KLHL1: variants seen among roughly 807,000 people sequenced by gnomAD.
KLHL1 encodes the protein kelch like family member 1.
A neutral mutation model predicts 77.7 loss-of-function variants in KLHL1; 47 were observed. The observed-to-expected ratio is 0.60, with a 90% CI of 0.48 to 0.77. KLHL1 has a LOEUF of 0.77. Among genes scored for constraint, KLHL1 ranks in the 30% least tolerant of loss-of-function variants. KLHL1 has a pLI of 0.00. For synonymous variants in KLHL1, 360 were observed against 325.2 expected (o/e 1.11, Z -1.15); for missense variants, 925 against 910.8 (o/e 1.02, Z -0.20).
chr13:69,938,073 T>C (rs990838045), intron 4 of KLHL1, among the ~76,000 whole-genome samples: 2 of 152,044 alleles, frequency 1.3e-5, no homozygotes, highest in African/African-American at 4.8e-5. Context: ...AAGCACAGAT[T>C]GGGTAGATTA....
chr13:69,728,445 C>G (rs1026401214), intron 8 of KLHL1, among the ~76,000 whole-genome samples: 1 of 151,814 alleles, frequency 6.6e-6, no homozygotes, highest in Non-Finnish European at 1.5e-5. Flanking sequence ...GAGACAGAGT[C>G]TCTGTCTCCC....
At chr13:70,089,741 T>C (rs1887629358) in intron 1 of KLHL1, among the ~76,000 whole-genome samples, 1 of 152,132 alleles carries the variant, frequency 6.6e-6, no homozygotes, top group Admixed American at 6.6e-5. Flanking sequence ...CAATATTAGG[T>C]ATATTTCACA....
intron 1 of KLHL1, among the ~76,000 whole-genome samples, chr13:70,065,321 A>G (rs563110913): frequency 5.3e-4 from 81 of 152,316 alleles, no homozygotes; most frequent in African/African-American, 1.8e-3. Context: ...GAACTTGCCT[A>G]TAACAGATGA....
At chr13:69,960,981 A>T (rs1360598346) in intron 3 of KLHL1, among the ~76,000 whole-genome samples, 3 of 152,072 alleles carry the variant, frequency 2.0e-5, no homozygotes, top group Non-Finnish European at 4.4e-5. Flanking sequence ...GACAATTAGA[A>T]TCTCTTTTCT....
At chr13:69,923,780 T>C (rs1171908835) in intron 4 of KLHL1, among the ~76,000 whole-genome samples, 2 of 152,144 alleles carry the variant, frequency 1.3e-5, no homozygotes, top group African/African-American at 4.8e-5. Context: ...ACATTTGCCA[T>C]GGAAGAGGCA....
chr13:70,056,264 C>G (rs918715912), intron 1 of KLHL1, among the ~76,000 whole-genome samples: 1 of 151,818 alleles, frequency 6.6e-6, no homozygotes, highest in Non-Finnish European at 1.5e-5. Flanking sequence ...TAAATGATGA[C>G]GGGTTCAATT....
intron 5 of KLHL1, among the ~76,000 whole-genome samples, chr13:69,873,461 T>C (rs559909243): frequency 6.6e-6 from 1 of 152,308 alleles, no homozygotes; most frequent in Admixed American, 6.5e-5. Context: ...AAGATGGATA[T>C]TATGTTTTGT....
intron 3 of KLHL1, among the ~76,000 whole-genome samples, chr13:69,950,526 C>A (rs58269684): frequency 2.0e-5 from 3 of 151,308 alleles, no homozygotes; most frequent in African/African-American, 7.3e-5. Flanking sequence ...TAACCTAAAA[C>A]AGCATGTCAT....
intron 6 of KLHL1, among the ~76,000 whole-genome samples, chr13:69,830,459 C>G (rs1878719023): frequency 6.7e-6 from 1 of 150,026 alleles, no homozygotes; most frequent in African/African-American, 2.5e-5. Flanking sequence ...ACAATTACTA[C>G]TAGACCTAAG....
At chr13:70,065,675 G>A (rs1886991360) in intron 1 of KLHL1, among the ~76,000 whole-genome samples, 1 of 152,174 alleles carries the variant, frequency 6.6e-6, no homozygotes, top group South Asian at 2.1e-4. Flanking sequence ...TTTAGTATAT[G>A]TGCTTGGAGA....
chr13:69,889,351 T>G (rs917129855), intron 4 of KLHL1, among the ~76,000 whole-genome samples: 1 of 152,028 alleles, frequency 6.6e-6, no homozygotes, highest in African/African-American at 2.4e-5. Context: ...TCACAACTTG[T>G]TATTTTACCG....
At chr13:69,864,371 A>G (rs2138159763) in intron 5 of KLHL1, among the ~76,000 whole-genome samples, 1 of 152,088 alleles carries the variant, frequency 6.6e-6, no homozygotes, top group East Asian at 1.9e-4. Flanking sequence ...TATCACATTG[A>G]TATATATGTA....
intron 7 of KLHL1, among the ~76,000 whole-genome samples, chr13:69,780,714 A>ATATG (rs1431136992): frequency 2.3e-4 from 8 of 35,530 alleles, no homozygotes; most frequent in Admixed American, 8.7e-4. Flanking sequence ...ATATATATAT[A>ATATG]TGTATATATA....
At chr13:69,879,562 G>C (rs975600186) in intron 5 of KLHL1, among the ~76,000 whole-genome samples, 8 of 152,094 alleles carry the variant, frequency 5.3e-5, no homozygotes, top group Non-Finnish European at 1.5e-5. Flanking sequence ...TTACGTTAAT[G>C]AATCCAAGAG....
At chr13:69,885,967 A>G (rs1334154365) in intron 4 of KLHL1, among the ~76,000 whole-genome samples, 1 of 152,182 alleles carries the variant, frequency 6.6e-6, no homozygotes, top group East Asian at 1.9e-4. Flanking sequence ...CCATATAAAG[A>G]CATAATCAGG....
At chr13:70,084,608 G>A (rs1887480223) in intron 1 of KLHL1, among the ~76,000 whole-genome samples, 1 of 106,922 alleles carries the variant, frequency 9.4e-6, no homozygotes, top group African/African-American at 3.4e-5. Context: ...ACAGGCACCT[G>A]CCACCACGCC....
chr13:69,974,835 G>T (rs1429132267), intron 2 of KLHL1, among the ~76,000 whole-genome samples: 1 of 151,928 alleles, frequency 6.6e-6, no homozygotes, highest in Non-Finnish European at 1.5e-5. Flanking sequence ...CAATAATAAT[G>T]ACTGTGAATT....
chr13:69,866,387 A>C (rs891931661), intron 5 of KLHL1, among the ~76,000 whole-genome samples: 1 of 152,268 alleles, frequency 6.6e-6, no homozygotes, highest in African/African-American at 2.4e-5. Flanking sequence ...GAAAAAGCTA[A>C]AACACCATCA....
intron 6 of KLHL1, among the ~76,000 whole-genome samples, chr13:69,823,493 T>C (rs981768215): frequency 1.3e-5 from 2 of 152,020 alleles, no homozygotes; most frequent in Admixed American, 6.6e-5. Flanking sequence ...TATTTACATT[T>C]CTAATAAATT....
Sources: allele counts gnomAD v4.1 joint callset (sites outside exome capture counted in the v4.1 genomes callset), GRCh38; gene constraint gnomAD v4.1.1; transcripts MANE v1.5; gene names NCBI Gene and HGNC (gene_info 2026-07-23, HGNC 2026-07-21).